The following GPR158 variants were observed in gnomAD, a reference collection of about 807,000 sequenced individuals.
The protein encoded by GPR158 is metabotropic glycine receptor.
In GPR158, 30 loss-of-function variants were observed where a neutral mutation model predicts 78.2. The ratio of observed to expected loss-of-function variants is 0.38; its 90% CI spans 0.29 to 0.52. GPR158 has a LOEUF of 0.52. GPR158 is among the 20% of genes least tolerant of loss of function. The pLI, the probability that GPR158 is intolerant of heterozygous loss-of-function variation, is 0.83. For synonymous variants in GPR158, 581 were observed against 591.1 expected (o/e 0.98, Z 0.25); for missense variants, 1,463 against 1,523.5 (o/e 0.96, Z 0.66).
rs374061083 is a variant in GPR158 at position 25,374,029 on chromosome 10, C to A, written c.1009-21882C>A. Among the ~76,000 whole-genome samples the A allele has an allele frequency of 4.6e-5, 7 of 151,620 alleles. No individual in the cohort carries two copies. In the East Asian group the frequency reaches 1.4e-3, roughly 29 times the overall value. On this transcript the variant is annotated intron_variant, in intron 2 of 10. Transcript: ENST00000376351. ...TACTGCAAAAAAATGTATTAAATCC[C>A]ATACTATAATTGTGGATTGGTTCAC...
chr10:25,312,954 TATC>T (rs1854788053), intron 2 of GPR158, among the ~76,000 whole-genome samples: 1 of 152,020 alleles, frequency 6.6e-6, no homozygotes, highest in African/African-American at 2.4e-5. Context: ...AAAGCAATAA[TATC>T]ATAGTATTAT....
chr10:25,367,772 A>G (rs1346615832), intron 2 of GPR158, among the ~76,000 whole-genome samples: 3 of 151,880 alleles, frequency 2.0e-5, no homozygotes, highest in Non-Finnish European at 2.9e-5. Flanking sequence ...TCATTTCTTC[A>G]GATGTCCCTT....
intron 5 of GPR158, among the ~76,000 whole-genome samples, chr10:25,468,253 C>T (rs182822879): frequency 2.6e-5 from 4 of 152,116 alleles, no homozygotes; most frequent in Admixed American, 2.0e-4. Context: ...TTCTGGGGTG[C>T]GAAATTTTTT....
chr10:25,489,020 A>G (rs959708920), intron 5 of GPR158, among the ~76,000 whole-genome samples: 1 of 152,148 alleles, frequency 6.6e-6, no homozygotes, highest in Non-Finnish European at 1.5e-5. Flanking sequence ...TATTTATACA[A>G]ATTGCTAATT....
intron 2 of GPR158, among the ~76,000 whole-genome samples, chr10:25,247,733 G>C (rs958441531): frequency 6.6e-6 from 1 of 151,858 alleles, no homozygotes; most frequent in Non-Finnish European, 1.5e-5. Context: ...CATTTGGGTT[G>C]CTTCCAAGTC....
At chr10:25,473,605 G>C (rs1300716491) in intron 5 of GPR158, among the ~76,000 whole-genome samples, 1 of 152,022 alleles carries the variant, frequency 6.6e-6, no homozygotes, top group African/African-American at 2.4e-5. Flanking sequence ...TTGGTTGGTA[G>C]GCTATTAATA....
chr10:25,348,850 A>T (rs76469433), intron 2 of GPR158, among the ~76,000 whole-genome samples: 2,762 of 152,074 alleles, frequency 0.018, 75 homozygotes, highest in African/African-American at 0.053. Flanking sequence ...TGCTTTGAAG[A>T]TTCACTCTAG....
intron 1 of GPR158, among the ~76,000 whole-genome samples, chr10:25,195,358 A>G (rs1443885487): frequency 6.6e-6 from 1 of 151,966 alleles, no homozygotes; most frequent in East Asian, 1.9e-4. Context: ...GGCATGCACC[A>G]CCACACTGGG....
chr10:25,372,235 T>C (rs946663751), intron 2 of GPR158, among the ~76,000 whole-genome samples: 6 of 151,782 alleles, frequency 4.0e-5, no homozygotes, highest in Non-Finnish European at 7.4e-5. Flanking sequence ...TGTGGAGAAA[T>C]AGGAACACTT....
chr10:25,404,544 G>A (rs1001619915), intron 3 of GPR158, among the ~76,000 whole-genome samples: 2 of 152,022 alleles, frequency 1.3e-5, no homozygotes, highest in African/African-American at 2.4e-5. Context: ...TACTAATTCA[G>A]TAGATAGAAT....
chr10:25,407,783 A>G (rs12251868), intron 3 of GPR158, among the ~76,000 whole-genome samples: 14,491 of 152,080 alleles, frequency 0.095, 777 homozygotes, highest in East Asian at 0.17. Flanking sequence ...GCCACTATCA[A>G]GTCTCACCTG....
At chr10:25,587,628 A>G (rs922713545) in intron 7 of GPR158, among the ~76,000 whole-genome samples, 1 of 152,172 alleles carries the variant, frequency 6.6e-6, no homozygotes, top group Non-Finnish European at 1.5e-5. Context: ...ATCCAATACA[A>G]CTTGGCTGGA....
At chr10:25,430,301 C>G (rs1210169725) in intron 4 of GPR158, among the ~76,000 whole-genome samples, 33 of 150,978 alleles carry the variant, frequency 2.2e-4, no homozygotes, top group Admixed American at 6.6e-4. Flanking sequence ...ATCCAACTTA[C>G]AAGGGATGTG....
intron 1 of GPR158, among the ~76,000 whole-genome samples, chr10:25,200,613 T>C (rs1210990585): frequency 6.6e-6 from 1 of 152,188 alleles, no homozygotes; most frequent in Non-Finnish European, 1.5e-5. Flanking sequence ...TGGGTCATCT[T>C]CCAGGGTTTT....
intron 5 of GPR158, among the ~76,000 whole-genome samples, chr10:25,517,216 G>A (rs1836190050): frequency 6.7e-6 from 1 of 148,862 alleles, no homozygotes; most frequent in Non-Finnish European, 1.5e-5. Context: ...TTTGTACATT[G>A]ATTTTGTATC....
At position 25,601,745 on chromosome 10, in the gene GPR158, A is replaced by G. The variant is rs1268695796; in HGVS notation, c.*2471A>G. On this transcript the variant is annotated 3_prime_UTR_variant, in exon 11 of 11. Transcript: ENST00000376351. ...TGATAACCATAGAAAGTGAATAAACACTTTTAAGGTCGCAAACATTTGCTA... is the reference window on the plus strand; with the variant it reads ...TGATAACCATAGAAAGTGAATAAACGCTTTTAAGGTCGCAAACATTTGCTA... 1 of 152,632 alleles carries G rather than the reference A, an allele frequency of 6.6e-6. No individual in the cohort carries two copies. The highest frequency in any genetic ancestry group is 1.5e-5 in the Non-Finnish European group (1 of 68,046). 9.5% of individuals were successfully genotyped at this position (152,632 alleles called of 1,614,324 possible). A position where few individuals can be genotyped will look rare whatever the true frequency, so the allele number is the denominator to read the frequency against.
chr10:25,522,273 T>G (rs188280918), intron 5 of GPR158, among the ~76,000 whole-genome samples: 16 of 152,338 alleles, frequency 1.1e-4, no homozygotes, highest in Admixed American at 1.0e-3. Flanking sequence ...TTCAGCTAGT[T>G]CCTGTTAACC....
intron 5 of GPR158, among the ~76,000 whole-genome samples, chr10:25,468,183 TG>T (rs1235161163): frequency 6.6e-6 from 1 of 152,152 alleles, no homozygotes; most frequent in Non-Finnish European, 1.5e-5. Context: ...AAGGAGTGTT[TG>T]GGGGCGTTCC....
intron 2 of GPR158, among the ~76,000 whole-genome samples, chr10:25,301,003 T>C (rs1374899364): frequency 6.6e-6 from 1 of 152,210 alleles, no homozygotes; most frequent in Non-Finnish European, 1.5e-5. Flanking sequence ...TGTGGTGTCT[T>C]ATTGCTCCTG....
Sources: gnomAD v4.1 joint callset for allele counts (sites outside exome capture counted in the v4.1 genomes callset) on GRCh38, gnomAD v4.1.1 for gene constraint, MANE v1.5 for transcripts, NCBI Gene and HGNC (gene_info 2026-07-23, HGNC 2026-07-21) for gene names.